CDON: variants seen among roughly 807,000 people sequenced by gnomAD.
CDON encodes cell adhesion associated, oncogene regulated.
In CDON, 73 loss-of-function variants were observed where a neutral mutation model predicts 120.9. That is an observed-to-expected ratio of 0.60 (90% confidence interval 0.50 to 0.73). The LOEUF (loss-of-function observed/expected upper bound fraction) is 0.73, where lower values mean the gene tolerates loss of function less well. Among genes scored for constraint, CDON ranks in the 30% least tolerant of loss-of-function variants. The pLI, the probability that CDON is intolerant of heterozygous loss-of-function variation, is 0.00. For synonymous variants in CDON, 566 were observed against 573.5 expected (o/e 0.99, Z 0.19); for missense variants, 1,470 against 1,587.3 (o/e 0.93, Z 1.26).
chr11:125,992,443 T>C (rs1208349933), intron 14 of CDON, among the ~76,000 whole-genome samples: 1 of 152,216 alleles, frequency 6.6e-6, no homozygotes, highest in African/African-American at 2.4e-5. Flanking sequence ...GACATGCTCA[T>C]GGTACCCATA....
At chr11:125,963,803 T>C (rs1285042911) in intron 18 of CDON, among the ~76,000 whole-genome samples, 1 of 152,204 alleles carries the variant, frequency 6.6e-6, no homozygotes, top group African/African-American at 2.4e-5. Flanking sequence ...TGTTTAATTC[T>C]ATAGCAAAAA....
intron 1 of CDON, among the ~76,000 whole-genome samples, chr11:126,045,887 T>C (rs1185234616): frequency 1.3e-5 from 2 of 151,968 alleles, no homozygotes; most frequent in Non-Finnish European, 2.9e-5. Flanking sequence ...GGATAATTGC[T>C]TAAATGTGGG....
At chr11:126,003,505 A>G (rs1947017427) in intron 10 of CDON, among the ~76,000 whole-genome samples, 1 of 152,192 alleles carries the variant, frequency 6.6e-6, no homozygotes. Context: ...TAGTGAATTT[A>G]CATATAGGAA....
chr11:126,048,997 G>A (rs536904606), intron 1 of CDON, among the ~76,000 whole-genome samples: 12 of 152,186 alleles, frequency 7.9e-5, no homozygotes, highest in Admixed American at 4.6e-4. Flanking sequence ...GCCAACAGGC[G>A]TGAGCCAACA....
intron 1 of CDON, among the ~76,000 whole-genome samples, chr11:126,061,762 A>T (rs768182856): frequency 6.6e-6 from 1 of 152,210 alleles, no homozygotes; most frequent in Non-Finnish European, 1.5e-5. Flanking sequence ...GAGGTTCTCT[A>T]AATTCTGGAT....
intron 18 of CDON, 142 bp from the exon 19 acceptor site, chr11:125,962,140 A>T (rs1945664066): frequency 1.4e-6 from 1 of 720,212 alleles, no homozygotes; most frequent in Non-Finnish European, 2.5e-6. Flanking sequence ...TAAATGATTC[A>T]CTATGATTTG....
chr11:126,044,840 G>A (rs1295564286), intron 1 of CDON, among the ~76,000 whole-genome samples: 1 of 151,754 alleles, frequency 6.6e-6, no homozygotes. Flanking sequence ...ATTACAACAG[G>A]GTGACTACAG....
At chr11:125,980,740 A>G (rs1023205123) in intron 17 of CDON, among the ~76,000 whole-genome samples, 1 of 152,224 alleles carries the variant, frequency 6.6e-6, no homozygotes, top group Non-Finnish European at 1.5e-5. Context: ...CGATAAATCA[A>G]ATTTAAAGTA....
At chr11:126,010,253 T>C (rs939341212) in intron 8 of CDON, 88 bp downstream of exon 8, 1 of 920,776 alleles carries the variant, frequency 1.1e-6, no homozygotes, top group African/African-American at 1.7e-5. Flanking sequence ...GATTGCTGGA[T>C]TCATTAAAAT....
chr11:125,968,195 T>C (rs1447606745), intron 18 of CDON, among the ~76,000 whole-genome samples: 1 of 152,252 alleles, frequency 6.6e-6, no homozygotes, highest in East Asian at 1.9e-4. Context: ...TTTATACAGA[T>C]TGAACTTGAA....
rs143462907 is a variant in CDON, at chr11:126,021,330, G to A, written c.267C>T (p.Ser89=). 5.6e-6 allele frequency: 9 copies of A among 1,613,994 alleles called. No individual in the cohort carries two copies. The highest frequency in any genetic ancestry group is 6.8e-6 in the Non-Finnish European group (8 of 1,179,992). The part of the protein sequence containing the change: ...QGTLTILSLN[S]SLLGYYQCLA... ...GGCACTGGTAGTAACCCAAAAGAGA[G>A]GAGTTGAGAGAAAGAATTGTCAGAG... is the stretch of plus-strand genomic sequence containing the variant. Residue 89 remains serine, a synonymous_variant, in exon 3 of 20, where the codon TCC becomes TCT. Transcript: ENST00000531738.
chr11:125,984,028 C>T lies in CDON; in HGVS notation c.2839G>A (p.Gly947Arg), dbSNP rs761948945. The T allele has an allele frequency of 1.2e-6, 2 of 1,614,062 alleles. No homozygotes were observed. The highest frequency in any genetic ancestry group is 1.7e-6 in the Non-Finnish European group (2 of 1,179,988). ...KDLSTPPNSL[G>R]SGGNVGPATS... is the part of the protein sequence containing the mutation. ...GCAGGCCCCACATTTCCTCCACTTC[C>T]CAAAGAATTTGGAGGGGTACTCAAG... The change falls in exon 16 of 20, where the codon GGA (glycine) becomes AGA (arginine). Residue 947 changes from glycine (G) to arginine (R), a missense_variant. Gly to Arg is a moderately radical substitution (Grantham distance 125, BLOSUM62 -2). Transcript: ENST00000531738.
At chr11:126,048,471 G>T (rs149930752) in intron 1 of CDON, among the ~76,000 whole-genome samples, 1 of 152,194 alleles carries the variant, frequency 6.6e-6, no homozygotes, top group Non-Finnish European at 1.5e-5. Flanking sequence ...CCCCAGATAT[G>T]CTATTACAAT....
Position 125,959,141 on chromosome 11 carries a change from A to C in CDON, c.*1801T>G, listed in dbSNP as rs1221752468. On this transcript the variant is annotated 3_prime_UTR_variant, in exon 20 of 20. Coordinates refer to ENST00000531738, the MANE Select transcript of CDON (RefSeq NM_001378964.1). Reference sequence around the variant, plus strand: ...ACATTCTACTGGAAGTAACTCTTGCATAGTGACCCAGCTTAAACAAGCACA... The same window carrying C: ...ACATTCTACTGGAAGTAACTCTTGCCTAGTGACCCAGCTTAAACAAGCACA... The C allele has an allele frequency of 6.6e-6, 1 of 152,246 alleles. No homozygotes were observed. The highest frequency in any genetic ancestry group is 1.5e-5 in the Non-Finnish European group (1 of 68,040). 9.4% of individuals were successfully genotyped at this position (152,246 alleles called of 1,614,324 possible). A position where few individuals can be genotyped will look rare whatever the true frequency, so the allele number is the denominator to read the frequency against.
chr11:125,960,892 T>G lies in CDON; in HGVS notation c.*50A>C. On this transcript the variant is annotated 3_prime_UTR_variant, in exon 20 of 20. Transcript: ENST00000531738. ...ACACAGTTCGCTCCCAGGCCTGTTGTGTGCAGTTACCGGCTTGAAGTTGGA... is the reference window on the plus strand; with the variant it reads ...ACACAGTTCGCTCCCAGGCCTGTTGGGTGCAGTTACCGGCTTGAAGTTGGA... 1 of 1,569,492 alleles carries G rather than the reference T, an allele frequency of 6.4e-7. No individual in the cohort carries two copies. The highest frequency in any genetic ancestry group is 2.2e-5 in the East Asian group (1 of 44,690).
Position 125,994,138 on chromosome 11 carries a change from G to A in CDON, c.2650+146C>T, listed in dbSNP as rs1946707675. The A allele has an allele frequency of 9.0e-6, 6 of 668,998 alleles. No homozygotes were observed. In the East Asian group the frequency reaches 1.7e-4, roughly 19 times the overall value. The allele number at this position is 668,998 out of a possible 1,614,324, so 41.4% of individuals were successfully genotyped here. On this transcript the variant is annotated intron_variant, in intron 14 of 19. Coordinates refer to ENST00000531738, the MANE Select transcript of CDON (RefSeq NM_001378964.1). ...CTGCATATATTAAGCGGGAAAAGGT[G>A]GCTTTCTTTGGGACAAATTCAACAG...
intron 11 of CDON, among the ~76,000 whole-genome samples, chr11:126,000,389 G>A (rs1946907946): frequency 6.6e-6 from 1 of 150,528 alleles, no homozygotes; most frequent in Non-Finnish European, 1.5e-5. Flanking sequence ...AAAATTTTTT[G>A]TAGATACTGG....
intron 18 of CDON, among the ~76,000 whole-genome samples, chr11:125,972,268 A>G (rs1946022915): frequency 6.6e-6 from 1 of 152,184 alleles, no homozygotes; most frequent in Non-Finnish European, 1.5e-5. Flanking sequence ...TCTACTAAAA[A>G]TACAAAAAAA....
intron 1 of CDON, among the ~76,000 whole-genome samples, chr11:126,028,707 AATTTATTT>A (rs60571626): frequency 0.017 from 2,470 of 145,884 alleles, 32 homozygotes; most frequent in Middle Eastern, 0.031. Flanking sequence ...AGCTGCGGAG[AATTTATTT>A]ATTTATTTAT....
Sources: allele counts gnomAD v4.1 joint callset (sites outside exome capture counted in the v4.1 genomes callset), GRCh38; gene constraint gnomAD v4.1.1; transcripts MANE v1.5; gene names NCBI Gene and HGNC (gene_info 2026-07-23, HGNC 2026-07-21).